HSBP1: variants seen among roughly 807,000 people sequenced by gnomAD.
The protein encoded by HSBP1 is heat shock factor-binding protein 1.
Under a neutral mutation model 9.6 loss-of-function variants are expected in HSBP1, and 5 were observed. That is an observed-to-expected ratio of 0.52 (90% CI 0.27 to 1.09). HSBP1 has a LOEUF of 1.09. Among genes scored for constraint, HSBP1 ranks in the 50% least tolerant of loss-of-function variants. HSBP1 has a pLI of 0.11. For synonymous variants in HSBP1, 42 were observed against 33.3 expected (o/e 1.26, Z -0.90); for missense variants, 121 against 96.3 (o/e 1.26, Z -1.07).
At chr16:83,808,269 C>A (rs1022657222) in intron 1 of HSBP1, 148 bp downstream of exon 1, 3 of 692,860 alleles carry the variant, frequency 4.3e-6, no homozygotes, top group African/African-American at 3.9e-5. Context: ...AGGCTCCCGG[C>A]CACCTTGACC....
Position 83,818,630 on chromosome 16 carries a change from G to A in HSBP1, c.*7212G>A, listed in dbSNP as rs1055736945. 8.5e-5 allele frequency: 13 copies of A among 152,236 alleles called. No individual in the cohort carries two copies. The highest frequency in any genetic ancestry group is 3.4e-3 in the Middle Eastern group (1 of 294). The allele number at this position is 152,236 out of a possible 1,614,324, so 9.4% of individuals were successfully genotyped here. A position where few individuals can be genotyped will look rare whatever the true frequency, so the allele number is the denominator to read the frequency against. On this transcript the variant is annotated 3_prime_UTR_variant, in exon 4 of 4. Transcript: ENST00000433866. Reference sequence around the variant, plus strand: ...GTATTAAACACCACTGAGATGTTAAGGTCTTTCTTGGGAACCACCGTGATG... The same window carrying A: ...GTATTAAACACCACTGAGATGTTAAAGTCTTTCTTGGGAACCACCGTGATG...
chr16:83,809,325 A>C lies in HSBP1; in HGVS notation c.133A>C (p.Ile45Leu). ...IGRIDDMSSR[I>L]DDLEKNIADL... is the part of the protein sequence containing the mutation. ...AGCACTTGATGATATGAGTAGTCGC[A>C]TTGATGATCTGGAAAAGAATATCGC... The change falls in exon 3 of 4, where the codon ATT (isoleucine) becomes CTT (leucine). Residue 45 changes from isoleucine (I) to leucine (L), a missense_variant. Physicochemically the swap from Ile to Leu is conservative, Grantham distance 5. Coordinates refer to ENST00000433866, the MANE Select transcript of HSBP1 (RefSeq NM_001537.4). 6.3e-7 allele frequency: 1 copy of C among 1,597,722 alleles called. No homozygotes were observed. Among genetic ancestry groups the C allele is most frequent in the Admixed American group, 1.7e-5 (1 of 58,138 alleles).
In HSBP1 at chr16:83,816,063, G is replaced by A. The variant is rs1023123420; in HGVS notation, c.*4645G>A. 1 of 152,156 alleles carries A rather than the reference G, an allele frequency of 6.6e-6. No individual in the cohort carries two copies. The highest frequency in any genetic ancestry group is 2.4e-5 in the African/African-American group (1 of 41,422). 9.4% of individuals were successfully genotyped at this position (152,156 alleles called of 1,614,324 possible). A position where few individuals can be genotyped will look rare whatever the true frequency, so the allele number is the denominator to read the frequency against. ...CACATGGCAAGAAGTCCCAAGGGAGGGCAGCTCTGGGGCGAGTAAATTCTG... is the reference window on the plus strand; with the variant it reads ...CACATGGCAAGAAGTCCCAAGGGAGAGCAGCTCTGGGGCGAGTAAATTCTG... On this transcript the variant is annotated 3_prime_UTR_variant, in exon 4 of 4. Coordinates refer to ENST00000433866, the MANE Select transcript of HSBP1 (RefSeq NM_001537.4).
rs1013506491 is a variant in HSBP1, at chr16:83,815,345, C to T, written c.*3927C>T. On this transcript the variant is annotated 3_prime_UTR_variant, in exon 4 of 4. Coordinates refer to ENST00000433866, the MANE Select transcript of HSBP1 (RefSeq NM_001537.4). The stretch of plus-strand genomic sequence containing the variant: ...GCAATATACTGAGACTCCATCTCTA[C>T]AAAAAAGTAGAAAAATTAGCCCAGA... 1.3e-5 allele frequency: 2 copies of T among 152,036 alleles called. No individual in the cohort carries two copies. Among genetic ancestry groups the T allele is most frequent in the African/African-American group, 2.4e-5 (1 of 41,396 alleles). The allele number at this position is 152,036 out of a possible 1,614,324, so 9.4% of individuals were successfully genotyped here. A position where few individuals can be genotyped will look rare whatever the true frequency, so the allele number is the denominator to read the frequency against.
chr16:83,808,291 C>A, intron 1 of HSBP1, 170 bp downstream of exon 1: 1 of 598,844 alleles, frequency 1.7e-6, no homozygotes, highest in Non-Finnish European at 2.8e-6. Context: ...CCGGGGCGCT[C>A]GGTGCGGGCC....
chr16:83,811,304 A>C (rs1347996794), intron 3 of HSBP1, 117 bp from the exon 4 acceptor site: 1 of 152,234 alleles, frequency 6.6e-6, no homozygotes, highest in Non-Finnish European at 1.5e-5. Context: ...GCCAGAAGAA[A>C]ATAAGTTTAA....
At position 83,819,275 on chromosome 16, in the gene HSBP1, C is replaced by T. The variant is rs1444365621; in HGVS notation, c.*7857C>T. The T allele has an allele frequency of 1.3e-5, 2 of 152,136 alleles. No homozygotes were observed. Among genetic ancestry groups the T allele is most frequent in the Admixed American group, 6.5e-5 (1 of 15,278 alleles). The allele number at this position is 152,136 out of a possible 1,614,324, so 9.4% of individuals were successfully genotyped here. A position where few individuals can be genotyped will look rare whatever the true frequency, so the allele number is the denominator to read the frequency against. ...GAGATTCATATTTTTAATAAATTCC[C>T]TCATTTATTATTTTTGTGTCTTATT... On this transcript the variant is annotated 3_prime_UTR_variant, in exon 4 of 4. Transcript: ENST00000433866.
intron 3 of HSBP1, among the ~76,000 whole-genome samples, chr16:83,810,949 G>C (rs972337356): frequency 6.6e-6 from 1 of 152,158 alleles, no homozygotes; most frequent in Admixed American, 6.5e-5. Context: ...TACAGATTTG[G>C]GATGTTGAAG....
At position 83,818,817 on chromosome 16, in the gene HSBP1, A is replaced by C. The variant is rs1490769275; in HGVS notation, c.*7399A>C. 2 of 152,150 alleles carry C rather than the reference A, an allele frequency of 1.3e-5. No individual in the cohort carries two copies. Among genetic ancestry groups the C allele is most frequent in the Non-Finnish European group, 2.9e-5 (2 of 68,022 alleles). The allele number at this position is 152,150 out of a possible 1,614,324, so 9.4% of individuals were successfully genotyped here. A position where few individuals can be genotyped will look rare whatever the true frequency, so the allele number is the denominator to read the frequency against. On this transcript the variant is annotated 3_prime_UTR_variant, in exon 4 of 4. Transcript: ENST00000433866. ...TCCATAATTGGTCTGAGAACAACAG[A>C]TTTTTTTCTTTTTTGCCTCGGATTT... is the stretch of plus-strand genomic sequence containing the variant.
At chr16:83,809,219 T>A (rs1904538440) in intron 2 of HSBP1, 86 bp from the exon 3 acceptor site, 11 of 807,046 alleles carry the variant, frequency 1.4e-5, no homozygotes, top group Non-Finnish European at 2.2e-5. Context: ...TTCCCTAAAG[T>A]CGTTGTGTTT....
Position 83,808,452 on chromosome 16 carries a change from C to G in HSBP1, c.46-228C>G. On this transcript the variant is annotated intron_variant, in intron 1 of 3. Coordinates refer to ENST00000433866, the MANE Select transcript of HSBP1 (RefSeq NM_001537.4). ...CCCGGGTGCCCCAGCCCGGCAGAAA[C>G]AACCTAAAGACCCTGAGCTTTGAGT... is the stretch of plus-strand genomic sequence containing the variant. The G allele has an allele frequency of 5.3e-6, 3 of 568,286 alleles. No individual in the cohort carries two copies. The South Asian group carries it at 6.7e-5, about 13-fold the overall frequency. The allele number at this position is 568,286 out of a possible 1,614,324, so 35.2% of individuals were successfully genotyped here.
In HSBP1 at chr16:83,811,672, T is replaced by C. The variant is rs970346256; in HGVS notation, c.*254T>C. 2.0e-5 allele frequency: 3 copies of C among 152,360 alleles called. No homozygotes were observed. The highest frequency in any genetic ancestry group is 3.9e-4 in the East Asian group (2 of 5,186). 9.4% of individuals were successfully genotyped at this position (152,360 alleles called of 1,614,324 possible). A position where few individuals can be genotyped will look rare whatever the true frequency, so the allele number is the denominator to read the frequency against. On this transcript the variant is annotated 3_prime_UTR_variant, in exon 4 of 4. Transcript: ENST00000433866. ...AAACTTTGGCGGTTCTTGCATAACATTGTCAGATTTTTTAGTGTATTTCTG... is the reference window on the plus strand; with the variant it reads ...AAACTTTGGCGGTTCTTGCATAACACTGTCAGATTTTTTAGTGTATTTCTG...
chr16:83,808,216 G>C lies in HSBP1; in HGVS notation c.45+95G>C, dbSNP rs964475170. Reference sequence around the variant, plus strand: ...AGAGGCGCGCCCACCGCGGCCGCGCGTGGCGTCTGCCGAGGCCCCGTTTCT... The same window carrying C: ...AGAGGCGCGCCCACCGCGGCCGCGCCTGGCGTCTGCCGAGGCCCCGTTTCT... On this transcript the variant is annotated intron_variant, in intron 1 of 3. Transcript: ENST00000433866. The C allele has an allele frequency of 8.3e-6, 9 of 1,089,894 alleles. No homozygotes were observed. In the South Asian group the frequency reaches 1.1e-4, roughly 13 times the overall value. The allele number at this position is 1,089,894 out of a possible 1,614,324, so 67.5% of individuals were successfully genotyped here.
In HSBP1 at chr16:83,811,860, C is replaced by T. The variant is rs189694222; in HGVS notation, c.*442C>T. 9 of 152,312 alleles carry T rather than the reference C, an allele frequency of 5.9e-5. No individual in the cohort carries two copies. In the South Asian group the frequency reaches 6.2e-4, roughly 11 times the overall value. The allele number at this position is 152,312 out of a possible 1,614,324, so 9.4% of individuals were successfully genotyped here. On this transcript the variant is annotated 3_prime_UTR_variant, in exon 4 of 4. Coordinates refer to ENST00000433866, the MANE Select transcript of HSBP1 (RefSeq NM_001537.4). ...TAGAGTTCTTTAATTCTTGGCACAA[C>T]GTGACTGTTGAGCTAACACCAAATA...
In HSBP1 at chr16:83,813,692, C is replaced by T. The variant is rs1052974813; in HGVS notation, c.*2274C>T. ...GTTCGTTTACCAGCCAGTGAAGATT[C>T]TCTTGAGGGCTGAACAATACAGATG... On this transcript the variant is annotated 3_prime_UTR_variant, in exon 4 of 4. Transcript: ENST00000433866. 2.0e-5 allele frequency: 3 copies of T among 152,238 alleles called. No individual in the cohort carries two copies. Among genetic ancestry groups the T allele is most frequent in the African/African-American group, 7.2e-5 (3 of 41,434 alleles). 9.4% of individuals were successfully genotyped at this position (152,238 alleles called of 1,614,324 possible). A position where few individuals can be genotyped will look rare whatever the true frequency, so the allele number is the denominator to read the frequency against.
In HSBP1 at chr16:83,813,662, T is replaced by G. The variant is rs1253516162; in HGVS notation, c.*2244T>G. On this transcript the variant is annotated 3_prime_UTR_variant, in exon 4 of 4. Coordinates refer to ENST00000433866, the MANE Select transcript of HSBP1 (RefSeq NM_001537.4). ...ATATGAAGTATTCCTTCTCCAGCTA[T>G]TCTTGTTCGTTTACCAGCCAGTGAA... 2 of 152,224 alleles carry G rather than the reference T, an allele frequency of 1.3e-5. No individual in the cohort carries two copies. The highest frequency in any genetic ancestry group is 2.9e-5 in the Non-Finnish European group (2 of 68,074). The allele number at this position is 152,224 out of a possible 1,614,324, so 9.4% of individuals were successfully genotyped here. A position where few individuals can be genotyped will look rare whatever the true frequency, so the allele number is the denominator to read the frequency against.
At position 83,816,414 on chromosome 16, in the gene HSBP1, A is replaced by T. The variant is rs1904722303; in HGVS notation, c.*4996A>T. On this transcript the variant is annotated 3_prime_UTR_variant, in exon 4 of 4. Coordinates refer to ENST00000433866, the MANE Select transcript of HSBP1 (RefSeq NM_001537.4). Reference sequence around the variant, plus strand: ...GACTCCATCTCAAAAAATAAAAAACAAAAAAATAAATAAAAAATAAAAAGA... The same window carrying T: ...GACTCCATCTCAAAAAATAAAAAACTAAAAAATAAATAAAAAATAAAAAGA... The T allele has an allele frequency of 1.3e-5, 2 of 152,180 alleles. No homozygotes were observed. The highest frequency in any genetic ancestry group is 1.3e-4 in the Admixed American group (2 of 15,276). 9.4% of individuals were successfully genotyped at this position (152,180 alleles called of 1,614,324 possible). A position where few individuals can be genotyped will look rare whatever the true frequency, so the allele number is the denominator to read the frequency against.
intron 1 of HSBP1, chr16:83,808,381 C>T: frequency 1.8e-6 from 1 of 553,768 alleles, no homozygotes; most frequent in South Asian, 2.3e-5. Context: ...CGGGTCCCTC[C>T]CGCCTACCTC....
At chr16:83,808,479 G>T (rs945158005) in intron 1 of HSBP1, 7 of 581,410 alleles carry the variant, frequency 1.2e-5, no homozygotes, top group South Asian at 2.1e-5. Context: ...GCTTTGAGTC[G>T]CAGCGGCCTC....
Sources: allele counts gnomAD v4.1 joint callset (sites outside exome capture counted in the v4.1 genomes callset), GRCh38; gene constraint gnomAD v4.1.1; transcripts MANE v1.5; gene names NCBI Gene and HGNC (gene_info 2026-07-23, HGNC 2026-07-21).